ZNF490: variants seen among roughly 807,000 people sequenced by gnomAD.
ZNF490 encodes the protein zinc finger protein 490.
ZNF490 carries 11 observed loss-of-function variants against 17.7 expected under a neutral mutation model. The observed-to-expected ratio is 0.62, with a 90% CI of 0.39 to 1.03. The LOEUF (loss-of-function observed/expected upper bound fraction) is 1.03, where lower values mean the gene tolerates loss of function less well. Ranked by LOEUF, ZNF490 falls within the 50% of genes least tolerant of loss-of-function variation. The probability of loss-of-function intolerance (pLI) is 0.00; values close to 1 mark genes in which losing one functional copy is unlikely to be tolerated. For missense variants in ZNF490, 542 were observed against 643.4 expected (o/e 0.84, Z 1.71); for synonymous variants, 222 against 216.1 (o/e 1.03, Z -0.24).
At chr19:12,586,996 A>G (rs2022811786) in intron 2 of ZNF490, among the ~76,000 whole-genome samples, 1 of 90,428 alleles carries the variant, frequency 1.1e-5, no homozygotes, top group Non-Finnish European at 3.0e-5. Flanking sequence ...CTTGGGAGGC[A>G]GAGGTTGCAG....
intron 2 of ZNF490, among the ~76,000 whole-genome samples, chr19:12,591,940 G>C (rs781625534): frequency 2.6e-5 from 4 of 152,108 alleles, no homozygotes; most frequent in Non-Finnish European, 5.9e-5. Flanking sequence ...GCACATGAAT[G>C]CTTATAGTTT....
intron 2 of ZNF490, among the ~76,000 whole-genome samples, chr19:12,607,032 C>T (rs577477391): frequency 3.9e-5 from 6 of 152,112 alleles, no homozygotes; most frequent in African/African-American, 9.6e-5. Flanking sequence ...TGTCTAAACT[C>T]ATATGGCTCA....
chr19:12,595,941 ACT>A (rs2022927588), intron 2 of ZNF490, among the ~76,000 whole-genome samples: 1 of 151,164 alleles, frequency 6.6e-6, no homozygotes, highest in African/African-American at 2.4e-5. Flanking sequence ...AAAGAGCAAG[ACT>A]CTGTCAAAAG....
At chr19:12,589,504 C>T (rs567005527) in intron 2 of ZNF490, among the ~76,000 whole-genome samples, 13 of 151,024 alleles carry the variant, frequency 8.6e-5, no homozygotes, top group African/African-American at 2.9e-4. Flanking sequence ...TGAAGAAGCA[C>T]TTGACAAAAT....
intron 2 of ZNF490, among the ~76,000 whole-genome samples, 198 bp from the exon 3 acceptor site, chr19:12,583,754 G>GCT (rs772203523): frequency 2.4e-4 from 17 of 70,548 alleles, no homozygotes; most frequent in African/African-American, 6.8e-4. Flanking sequence ...AAAAATTATT[G>GCT]CGCTCTCTCT....
At chr19:12,599,139 C>CAAAAAAAAAAAAAAAAAAAAAAGAAA in intron 2 of ZNF490, among the ~76,000 whole-genome samples, 1 of 68,622 alleles carries the variant, frequency 1.5e-5, no homozygotes, top group Middle Eastern at 9.4e-3. Context: ...GACTCTGTCT[C>CAAAAAAAAAAAAAAAAAAAAAAGAAA]AAAAAAAAAA....
chr19:12,595,411 C>A (rs1036587956), intron 2 of ZNF490, among the ~76,000 whole-genome samples: 1 of 152,000 alleles, frequency 6.6e-6, no homozygotes. Flanking sequence ...CCATGTCCAG[C>A]CTTTTTTTTA....
chr19:12,596,264 C>CAATAAAAA (rs1555701019), intron 2 of ZNF490, among the ~76,000 whole-genome samples: 1 of 93,212 alleles, frequency 1.1e-5, no homozygotes, highest in African/African-American at 4.2e-5. Context: ...GACTCCGTCT[C>CAATAAAAA]AAAAAAAAAA....
chr19:12,608,469 T>G (rs913482427), intron 2 of ZNF490, among the ~76,000 whole-genome samples: 9 of 150,796 alleles, frequency 6.0e-5, no homozygotes, highest in Admixed American at 2.0e-4. Flanking sequence ...ATTTATTTAT[T>G]TATTTATTTA....
Position 12,609,852 on chromosome 19 carries a change from T to A in ZNF490, c.118-650A>T, listed in dbSNP as rs540706213. 205 of 432,710 alleles carry A rather than the reference T, an allele frequency of 4.7e-4. 2 individuals carry two copies. In the East Asian group the frequency reaches 0.014, roughly 29 times the overall value. 26.8% of individuals were successfully genotyped at this position (432,710 alleles called of 1,614,324 possible). ...CAATAGGTTGGACAGAGAGGGGGGA[T>A]GAGGGATGAAATATTACCTATTGGG... On this transcript the variant is annotated intron_variant, in intron 1 of 4. Coordinates refer to ENST00000311437, the MANE Select transcript of ZNF490 (RefSeq NM_020714.3).
At chr19:12,599,829 T>C (rs2022979965) in intron 2 of ZNF490, among the ~76,000 whole-genome samples, 1 of 152,196 alleles carries the variant, frequency 6.6e-6, no homozygotes, top group Non-Finnish European at 1.5e-5. Context: ...AAGCAAGTTG[T>C]GGAAGGTTGA....
chr19:12,580,876 T>A lies in ZNF490; in HGVS notation c.1199A>T (p.Asn400Ile). Reference protein sequence around the residue: ...YECKQCGKAFNSSSYLQLHER... With the variant: ...YECKQCGKAFISSSYLQLHER... ...GTGCAACTGAAGGTAACTTGAAGAA[T>A]TGAAGGCTTTACCACATTGTTTACA... Residue 400 changes from asparagine to isoleucine, a missense_variant, in exon 5 of 5, where the codon AAT becomes ATT. Asn to Ile is a moderately radical substitution (Grantham distance 149). Coordinates refer to ENST00000311437, the MANE Select transcript of ZNF490 (RefSeq NM_020714.3). The A allele has an allele frequency of 6.2e-7, 1 of 1,613,976 alleles. No homozygotes were observed. The highest frequency in any genetic ancestry group is 8.5e-7 in the Non-Finnish European group (1 of 1,179,942).
At chr19:12,608,252 T>C (rs1455035426) in intron 2 of ZNF490, among the ~76,000 whole-genome samples, 1 of 152,122 alleles carries the variant, frequency 6.6e-6, no homozygotes, top group East Asian at 1.9e-4. Flanking sequence ...TTGTCCAAAC[T>C]ATGCAAACAA....
chr19:12,608,271 G>C (rs2023096031), intron 2 of ZNF490, among the ~76,000 whole-genome samples: 1 of 151,956 alleles, frequency 6.6e-6, no homozygotes, highest in South Asian at 2.1e-4. Flanking sequence ...AAGTAAACAT[G>C]ACTCCAAATT....
chr19:12,594,929 T>G (rs1333471406), intron 2 of ZNF490, among the ~76,000 whole-genome samples: 1 of 152,140 alleles, frequency 6.6e-6, no homozygotes, highest in African/African-American at 2.4e-5. Flanking sequence ...GATTGTCAGT[T>G]AGTGCATTAC....
Position 12,589,791 on chromosome 19 carries a change from C to T in ZNF490, c.163-6235G>A, listed in dbSNP as rs149523461. On this transcript the variant is annotated intron_variant, in intron 2 of 4. Coordinates refer to ENST00000311437, the MANE Select transcript of ZNF490 (RefSeq NM_020714.3). The stretch of plus-strand genomic sequence containing the variant: ...TACAAGAAACCTGCAGTTAACATCA[C>T]GCTTAATGTGAAAAACTAGATGTTT... 7.6e-3 allele frequency among the ~76,000 whole-genome samples: 1,150 copies of T among 152,068 alleles called. 17 individuals are homozygous for T. The highest frequency in any genetic ancestry group is 0.037 in the Admixed American group (562 of 15,248).
At chr19:12,592,548 T>C (rs1175428522) in intron 2 of ZNF490, among the ~76,000 whole-genome samples, 3 of 152,120 alleles carry the variant, frequency 2.0e-5, no homozygotes. Flanking sequence ...CTTTTGACTG[T>C]CAAGAATTTG....
In ZNF490 at chr19:12,577,759, C is replaced by G; in HGVS notation, c.*2726G>C. 1 of 985,458 alleles carries G rather than the reference C, an allele frequency of 1.0e-6. No homozygotes were observed. The highest frequency in any genetic ancestry group is 1.1e-4 in the East Asian group (1 of 8,806). The allele number at this position is 985,458 out of a possible 1,614,324, so 61.0% of individuals were successfully genotyped here. A position where few individuals can be genotyped will look rare whatever the true frequency, so the allele number is the denominator to read the frequency against. ...GCCAGAGGCCTAAAGAGTTCCGACC[C>G]GAGCGACACAAAGATCACTTCTGGG... On this transcript the variant is annotated 3_prime_UTR_variant, in exon 5 of 5. Transcript: ENST00000311437.
intron 2 of ZNF490, among the ~76,000 whole-genome samples, chr19:12,583,977 A>AT (rs1336161466): frequency 6.6e-6 from 1 of 150,514 alleles, no homozygotes. Context: ...CACCCAGCTA[A>AT]TTTTTTGTAT....
Sources: allele counts gnomAD v4.1 joint callset (sites outside exome capture counted in the v4.1 genomes callset), GRCh38; gene constraint gnomAD v4.1.1; transcripts MANE v1.5; gene names NCBI Gene and HGNC (gene_info 2026-07-23, HGNC 2026-07-21).